Variants in LGSN observed in about 807,000 individuals in gnomAD.
LGSN encodes the protein lengsin, lens protein with glutamine synthetase domain.
In LGSN, 21 loss-of-function variants were observed where a neutral mutation model predicts 19.5. The observed-to-expected ratio is 1.07, with a 90% CI of 0.76 to 1.55. LGSN has a LOEUF of 1.55. Ranked by LOEUF, LGSN falls within the 40% of genes most tolerant of loss-of-function variation. The probability of loss-of-function intolerance (pLI) is 0.00; values close to 1 mark genes in which losing one functional copy is unlikely to be tolerated. For missense variants in LGSN, 673 were observed against 608.5 expected, an observed-to-expected ratio of 1.11 and a Z score of -1.12; for synonymous variants, 257 against 215.6, an observed-to-expected ratio of 1.19 and a Z score of -1.68.
the LGSN span, among the ~76,000 whole-genome samples, chr6:63,479,128 C>G: frequency 6.6e-6 from 1 of 152,144 alleles, no homozygotes; most frequent in Non-Finnish European, 1.5e-5. Context: ...ATTAGACAAC[C>G]CAGGCCTCAA....
chr6:63,562,201 CT>C, the LGSN span, among the ~76,000 whole-genome samples: 207 of 137,262 alleles, frequency 1.5e-3, no homozygotes, highest in Middle Eastern at 3.7e-3. Flanking sequence ...TTTTCTTTTT[CT>C]TTTTTTTTTT....
the LGSN span, among the ~76,000 whole-genome samples, chr6:63,556,220 C>T: frequency 6.6e-6 from 1 of 151,868 alleles, no homozygotes; most frequent in African/African-American, 2.4e-5. Flanking sequence ...GTTGCAGTGC[C>T]ACAATCACAG....
the LGSN span, among the ~76,000 whole-genome samples, chr6:63,356,337 C>T: frequency 1.3e-5 from 2 of 152,016 alleles, no homozygotes; most frequent in Non-Finnish European, 2.9e-5. Flanking sequence ...GTCAGGAGTT[C>T]GAGACCAGCC....
the LGSN span, among the ~76,000 whole-genome samples, chr6:63,465,564 G>A: frequency 6.6e-6 from 1 of 152,088 alleles, no homozygotes; most frequent in Non-Finnish European, 1.5e-5. Context: ...TTTCTACTAG[G>A]AAATTCAGTG....
the LGSN span, among the ~76,000 whole-genome samples, chr6:63,481,170 G>C: frequency 3.9e-5 from 6 of 151,940 alleles, no homozygotes; most frequent in African/African-American, 1.5e-4. Context: ...TAAGCTATGA[G>C]TATGCAAAGG....
At chr6:63,307,487 G>A (rs1325123679) in intron 1 of LGSN, among the ~76,000 whole-genome samples, 2 of 152,178 alleles carry the variant, frequency 1.3e-5, no homozygotes, top group East Asian at 1.9e-4. Flanking sequence ...TTTAATTGAT[G>A]GGCTGTGGAC....
At chr6:63,549,295 T>C in the LGSN span, 3 of 754,146 alleles carry the variant, frequency 4.0e-6, no homozygotes, top group Non-Finnish European at 2.4e-6. Flanking sequence ...TTCAGCCACT[T>C]ACAGAGGATG....
chr6:63,486,912 T>C, the LGSN span, among the ~76,000 whole-genome samples: 1 of 151,766 alleles, frequency 6.6e-6, no homozygotes. Context: ...CTTAGCTCAC[T>C]GTAACCTCCA....
intron 1 of LGSN, among the ~76,000 whole-genome samples, chr6:63,309,425 CTA>C (rs1768537847): frequency 6.6e-6 from 1 of 152,106 alleles, no homozygotes; most frequent in Non-Finnish European, 1.5e-5. Context: ...GAGCAAGACT[CTA>C]TCTCAAAAAG....
At chr6:63,406,114 TCAA>T in the LGSN span, among the ~76,000 whole-genome samples, 1 of 152,092 alleles carries the variant, frequency 6.6e-6, no homozygotes, top group Admixed American at 6.6e-5. Context: ...ATTAGACAGA[TCAA>T]CAAGGCAGAA....
At chr6:63,505,633 G>GAAAGAAAGAAAGAAAT in the LGSN span, among the ~76,000 whole-genome samples, 115 of 97,214 alleles carry the variant, frequency 1.2e-3, 4 homozygotes, top group African/African-American at 1.9e-3. Flanking sequence ...AAGAAAGAAA[G>GAAAGAAAGAAAGAAAT]AAATTCTGGC....
chr6:63,285,165 A>G (rs1275782996), intron 3 of LGSN, among the ~76,000 whole-genome samples: 1 of 152,222 alleles, frequency 6.6e-6, no homozygotes, highest in African/African-American at 2.4e-5. Context: ...AGCTGAAAGG[A>G]ATACATTTTT....
At chr6:63,324,253 A>T (rs189186935), upstream of LGSN, among the ~76,000 whole-genome samples, 3 of 152,354 alleles carry the variant, frequency 2.0e-5, no homozygotes. Flanking sequence ...ATACTTTCAG[A>T]ACTGCTGCTG....
chr6:63,422,102 C>G, the LGSN span, among the ~76,000 whole-genome samples: 3 of 152,110 alleles, frequency 2.0e-5, no homozygotes, highest in Non-Finnish European at 2.9e-5. Context: ...CTCTGTCTGT[C>G]GCCCAGGCTG....
chr6:63,563,238 T>G, the LGSN span, among the ~76,000 whole-genome samples: 1 of 152,248 alleles, frequency 6.6e-6, no homozygotes, highest in Non-Finnish European at 1.5e-5. Context: ...TGTGATTCAC[T>G]GTCAGCAAAA....
chr6:63,572,534 T>G, the LGSN span: 1 of 392,600 alleles, frequency 2.5e-6, no homozygotes, highest in Non-Finnish European at 4.5e-6. Context: ...CTACGCGCTC[T>G]GCTCCGAGCC....
At chr6:63,362,115 T>C in the LGSN span, among the ~76,000 whole-genome samples, 1 of 152,216 alleles carries the variant, frequency 6.6e-6, no homozygotes, top group African/African-American at 2.4e-5. Flanking sequence ...AACAATACCT[T>C]CTTCTGGAAC....
chr6:63,385,860 T>C, the LGSN span, among the ~76,000 whole-genome samples: 4 of 152,196 alleles, frequency 2.6e-5, no homozygotes, highest in African/African-American at 9.7e-5. Flanking sequence ...ATCTGTGTTA[T>C]GCTCTGTTTA....
the LGSN span, among the ~76,000 whole-genome samples, chr6:63,482,282 T>C: frequency 3.3e-5 from 5 of 152,080 alleles, no homozygotes; most frequent in Non-Finnish European, 2.9e-5. Context: ...CATAGAGCAA[T>C]TCCTGGCACA....
Sources: allele counts gnomAD v4.1 joint callset (sites outside exome capture counted in the v4.1 genomes callset), GRCh38; gene constraint gnomAD v4.1.1; transcripts MANE v1.5; gene names NCBI Gene and HGNC (gene_info 2026-07-23, HGNC 2026-07-21).